Variants in CTPS2 observed in about 807,000 individuals in gnomAD.
The protein encoded by CTPS2 is CTP synthase 2.
CTPS2 carries 19 observed loss-of-function variants against 46.8 expected under a neutral mutation model. That is an observed-to-expected ratio of 0.41 (90% confidence interval 0.28 to 0.60). CTPS2 has a LOEUF of 0.60. CTPS2 is among the 20% of genes least tolerant of loss of function. The probability of loss-of-function intolerance (pLI) is 0.35; values close to 1 mark genes in which losing one functional copy is unlikely to be tolerated. For missense variants in CTPS2, 286 were observed against 447.6 expected (o/e 0.64, Z 3.26); for synonymous variants, 151 against 165.2 (o/e 0.91, Z 0.66).
chrX:16,593,701 G>A (rs1376800869), intron 17 of CTPS2, among the ~76,000 whole-genome samples: 1 of 108,647 alleles, frequency 9.2e-6, no homozygotes, highest in Non-Finnish European at 1.9e-5. Flanking sequence ...GGGGTGGGGG[G>A]AGCACTAGAA....
intron 16 of CTPS2, among the ~76,000 whole-genome samples, chrX:16,616,592 G>A (rs1302836073): frequency 2.7e-5 from 3 of 112,133 alleles, no homozygotes; most frequent in Non-Finnish European, 3.8e-5. Context: ...CAGAAAGAGA[G>A]GAGTTGGTAA....
chrX:16,609,560 C>A lies in CTPS2; in HGVS notation c.1672G>T (p.Gly558Cys). The change falls in exon 17 of 19, where the codon GGT (glycine) becomes TGT (cysteine). Residue 558 changes from glycine to cysteine, a missense_variant. Physicochemically the swap from Gly to Cys is radical, Grantham distance 159. Coordinates refer to ENST00000359276, the MANE Select transcript of CTPS2 (RefSeq NM_175859.3). ...TGNLNAYLQQ[G>C]CKLSSSDRYS... ...GGTTACCTGGAAGACAGTTTGCAAC[C>A]CTGTTGCAAGTAGGCATTCAGGTTC... is the stretch of plus-strand genomic sequence containing the variant. 2.5e-6 allele frequency: 3 copies of A among 1,210,633 alleles called. No homozygotes were observed. Among genetic ancestry groups the A allele is most frequent in the Non-Finnish European group, 3.4e-6 (3 of 894,655 alleles).
intron 1 of CTPS2, among the ~76,000 whole-genome samples, chrX:16,703,808 T>C (rs1326242967): frequency 3.6e-5 from 4 of 112,023 alleles, no homozygotes; most frequent in Admixed American, 1.9e-4. Context: ...ACCTCAACTC[T>C]ATCATGCAAC....
intron 13 of CTPS2, among the ~76,000 whole-genome samples, chrX:16,640,020 C>T (rs1932003180): frequency 9.0e-6 from 1 of 111,075 alleles, no homozygotes; most frequent in South Asian, 3.8e-4. Flanking sequence ...TTCTCCCAGG[C>T]TACAGCAATG....
intron 13 of CTPS2, among the ~76,000 whole-genome samples, chrX:16,659,348 T>C (rs1434392678): frequency 9.0e-6 from 1 of 111,363 alleles, no homozygotes; most frequent in East Asian, 2.8e-4. Context: ...ATCAAAAAAG[T>C]AGCATTTCAA....
chrX:16,683,266 C>G, intron 8 of CTPS2, 40 bp from the exon 9 acceptor site: 4 of 1,183,356 alleles, frequency 3.4e-6, no homozygotes, highest in Non-Finnish European at 4.6e-6. Context: ...ATGCACATAA[C>G]AGAACATCAC....
chrX:16,697,983 G>A (rs1053998533), intron 4 of CTPS2, among the ~76,000 whole-genome samples: 2 of 111,253 alleles, frequency 1.8e-5, no homozygotes, highest in Admixed American at 1.9e-4. Flanking sequence ...ATCAGCAGCT[G>A]ATCAGTCTCC....
intron 17 of CTPS2, among the ~76,000 whole-genome samples, chrX:16,597,207 A>G (rs1165480207): frequency 9.0e-6 from 1 of 111,331 alleles, no homozygotes; most frequent in East Asian, 2.8e-4. Flanking sequence ...ATTAGATCCC[A>G]TTTGTCAATT....
chrX:16,629,398 A>C (rs1046155275), intron 14 of CTPS2, among the ~76,000 whole-genome samples: 2 of 111,805 alleles, frequency 1.8e-5, no homozygotes, highest in African/African-American at 6.5e-5. Flanking sequence ...AGCTCTCACG[A>C]AGCCCTGCCG....
intron 13 of CTPS2, among the ~76,000 whole-genome samples, chrX:16,663,791 C>T (rs1933049322): frequency 9.0e-6 from 1 of 111,158 alleles, no homozygotes; most frequent in African/African-American, 3.3e-5. Context: ...CAGTTCTGTA[C>T]CTTTTTCTGC....
intron 16 of CTPS2, among the ~76,000 whole-genome samples, chrX:16,612,698 T>A (rs951935094): frequency 4.5e-5 from 5 of 111,947 alleles, no homozygotes; most frequent in African/African-American, 6.5e-5. Context: ...ACTCTAGGCA[T>A]GAATTGATCA....
intron 17 of CTPS2, among the ~76,000 whole-genome samples, chrX:16,600,932 C>T (rs1005694249): frequency 1.4e-4 from 16 of 111,929 alleles, no homozygotes; most frequent in Non-Finnish European, 2.8e-4. Context: ...CTGTCCCTCA[C>T]AGCGGCCCTA....
chrX:16,653,176 AAGT>A (rs1208806934), intron 13 of CTPS2, among the ~76,000 whole-genome samples: 4 of 111,095 alleles, frequency 3.6e-5, no homozygotes, highest in Non-Finnish European at 7.5e-5. Context: ...TCGGTTTTCT[AAGT>A]AGTATTTTGC....
intron 17 of CTPS2, among the ~76,000 whole-genome samples, chrX:16,594,061 T>C (rs1437885572): frequency 9.0e-6 from 1 of 111,485 alleles, no homozygotes; most frequent in Non-Finnish European, 1.9e-5. Context: ...GTCAAGGACG[T>C]TCAAGTGACT....
intron 17 of CTPS2, among the ~76,000 whole-genome samples, chrX:16,592,040 C>G (rs185045782): frequency 9.0e-6 from 1 of 110,875 alleles, no homozygotes; most frequent in Non-Finnish European, 1.9e-5. Flanking sequence ...TCCCATAATA[C>G]TTACATTAAA....
At chrX:16,639,830 A>AAAGC (rs771701855) in intron 13 of CTPS2, among the ~76,000 whole-genome samples, 47 of 107,638 alleles carry the variant, frequency 4.4e-4, no homozygotes, top group Non-Finnish European at 7.2e-4. Context: ...AGAAAGAAAG[A>AAAGC]AGAAAAGAAA....
intron 11 of CTPS2, among the ~76,000 whole-genome samples, chrX:16,668,705 AGGAAGGGGAG>A (rs1436521277): frequency 1.1e-5 from 1 of 92,223 alleles, no homozygotes; most frequent in African/African-American, 3.9e-5. Context: ...GAGAAGGAAA[AGGAAGGGGAG>A]GGAAGGGAGG....
At chrX:16,646,946 G>A (rs756711447) in intron 13 of CTPS2, among the ~76,000 whole-genome samples, 56 of 111,756 alleles carry the variant, frequency 5.0e-4, no homozygotes, top group Non-Finnish European at 9.2e-4. Context: ...TGTGCCTGTC[G>A]TTTCCCCCCT....
chrX:16,602,268 T>C (rs779143794), intron 17 of CTPS2, among the ~76,000 whole-genome samples: 56 of 111,363 alleles, frequency 5.0e-4, no homozygotes, highest in Middle Eastern at 4.7e-3. Context: ...CTGTGCCCTT[T>C]CCTGGATGGG....
Sources: allele counts gnomAD v4.1 joint callset (sites outside exome capture counted in the v4.1 genomes callset), GRCh38; gene constraint gnomAD v4.1.1; transcripts MANE v1.5; gene names NCBI Gene and HGNC (gene_info 2026-07-23, HGNC 2026-07-21).